COL17A1: variants seen among roughly 807,000 people sequenced by gnomAD.
COL17A1 encodes the protein collagen type XVII alpha 1 chain, also known as collagen alpha-1(XVII) chain.
Under a neutral mutation model 218.4 loss-of-function variants are expected in COL17A1, and 181 were observed. The ratio of observed to expected loss-of-function variants is 0.83; its 90% CI spans 0.73 to 0.94. COL17A1 has a LOEUF of 0.94. Ranked by LOEUF, COL17A1 falls within the 40% of genes least tolerant of loss-of-function variation. The pLI, the probability that COL17A1 is intolerant of heterozygous loss-of-function variation, is 0.00. For missense variants in COL17A1, 1,924 were observed against 1,945.9 expected, an observed-to-expected ratio of 0.99 and a Z score of 0.21; for synonymous variants, 721 against 731.0, an observed-to-expected ratio of 0.99 and a Z score of 0.22.
At position 104,055,074 on chromosome 10, in the gene COL17A1, A is replaced by G; in HGVS notation, c.1718-67T>C. The G allele has an allele frequency of 1.9e-6, 3 of 1,607,574 alleles. No individual in the cohort carries two copies. The South Asian group carries it at 3.3e-5, about 18-fold the overall frequency. ...ACCCAAAGGCCATACTCTGCCTTGT[A>G]TTTTAAAACCATTTGACAAGATGTA... On this transcript the variant is annotated intron_variant, in intron 19 of 55. Coordinates refer to ENST00000648076, the MANE Select transcript of COL17A1 (RefSeq NM_000494.4).
chr10:104,074,241 G>T lies in COL17A1; in HGVS notation c.332-10C>A, dbSNP rs1397198772. Reference sequence around the variant, plus strand: ...TTGCCACTGGAGCTCCCTGGAGAGGGGATGAAACACTTAGAACAAATGGCC... The same window carrying T: ...TTGCCACTGGAGCTCCCTGGAGAGGTGATGAAACACTTAGAACAAATGGCC... On this transcript the variant is annotated splice_polypyrimidine_tract_variant and intron_variant, in intron 5 of 55. Coordinates refer to ENST00000648076, the MANE Select transcript of COL17A1 (RefSeq NM_000494.4). 5.6e-6 allele frequency: 9 copies of T among 1,614,068 alleles called. No individual in the cohort carries two copies. The Admixed American group carries it at 8.3e-5, about 15-fold the overall frequency.
At chr10:104,045,027 G>C (rs1466511623) in intron 33 of COL17A1, among the ~76,000 whole-genome samples, 1 of 152,148 alleles carries the variant, frequency 6.6e-6, no homozygotes, top group Non-Finnish European at 1.5e-5. Flanking sequence ...GCTCATGACA[G>C]AGCACAGCTC....
chr10:104,058,936 A>G (rs1159874851), intron 15 of COL17A1, among the ~76,000 whole-genome samples: 3 of 150,644 alleles, frequency 2.0e-5, no homozygotes, highest in South Asian at 2.1e-4. Flanking sequence ...TCCGTCTCAA[A>G]AAAAAAAAAA....
At chr10:104,056,145 T>G in intron 17 of COL17A1, 142 bp from the exon 18 acceptor site, 1 of 1,030,116 alleles carries the variant, frequency 9.7e-7, no homozygotes, top group East Asian at 2.5e-5. Context: ...AGAGATAATC[T>G]GCCGTGGCCA....
intron 29 of COL17A1, 73 bp downstream of exon 29, chr10:104,049,336 G>T (rs2086444432): frequency 1.4e-6 from 2 of 1,391,496 alleles, no homozygotes; most frequent in Non-Finnish European, 2.0e-6. Context: ...AGCTCTAGAA[G>T]ACGGATCTCT....
intron 46 of COL17A1, 32 bp from the exon 47 acceptor site, chr10:104,037,145 T>A: frequency 4.5e-6 from 7 of 1,563,564 alleles, no homozygotes; most frequent in South Asian, 1.2e-5. Flanking sequence ...GTTACCTGCT[T>A]AGCAGGTACT....
chr10:104,064,641 C>T, intron 9 of COL17A1, 45 bp from the exon 10 acceptor site: 2 of 1,554,994 alleles, frequency 1.3e-6, no homozygotes, highest in Non-Finnish European at 8.8e-7. Flanking sequence ...GACAAATCAA[C>T]ACTCCCTGCT....
At chr10:104,067,339 A>AAAT (rs2086635084) in intron 9 of COL17A1, among the ~76,000 whole-genome samples, 1 of 118,238 alleles carries the variant, frequency 8.5e-6, no homozygotes, top group South Asian at 3.0e-4. Context: ...AGGAATAAAA[A>AAAT]AAAAAAAAAA....
At chr10:104,064,359 T>C (rs539844004) in intron 10 of COL17A1, 79 bp downstream of exon 10, 1 of 1,608,198 alleles carries the variant, frequency 6.2e-7, no homozygotes, top group Admixed American at 1.7e-5. Context: ...ATGGCAAACA[T>C]TCTGAGGGTC....
rs2086801529 is a variant in COL17A1, at chr10:104,085,877, T to G, written c.-166A>C. ...TTAAAGCTGAGTGATCTTTCAAAAATGTTCACTTTTCTTTCTCTCCACCTT... is the reference window on the plus strand; with the variant it reads ...TTAAAGCTGAGTGATCTTTCAAAAAGGTTCACTTTTCTTTCTCTCCACCTT... On this transcript the variant is annotated 5_prime_UTR_variant, in exon 1 of 56. Coordinates refer to ENST00000648076, the MANE Select transcript of COL17A1 (RefSeq NM_000494.4). 1 of 152,594 alleles carries G rather than the reference T, an allele frequency of 6.6e-6. No homozygotes were observed. The highest frequency in any genetic ancestry group is 1.5e-5 in the Non-Finnish European group (1 of 68,024). The allele number at this position is 152,594 out of a possible 1,614,324, so 9.5% of individuals were successfully genotyped here. A position where few individuals can be genotyped will look rare whatever the true frequency, so the allele number is the denominator to read the frequency against.
At chr10:104,079,318 G>A (rs2086741407) in intron 2 of COL17A1, among the ~76,000 whole-genome samples, 1 of 152,200 alleles carries the variant, frequency 6.6e-6, no homozygotes, top group Non-Finnish European at 1.5e-5. Context: ...ACCTATCTGG[G>A]GCTTTTGTTC....
intron 3 of COL17A1, among the ~76,000 whole-genome samples, chr10:104,078,056 C>CGGG (rs886292935): frequency 2.0e-4 from 31 of 152,196 alleles, no homozygotes; most frequent in African/African-American, 6.7e-4. Context: ...TCCCTGGAGG[C>CGGG]GGGGGCAGGG....
chr10:104,070,303 T>C, intron 9 of COL17A1, 123 bp downstream of exon 9: 1 of 1,544,682 alleles, frequency 6.5e-7, no homozygotes, highest in Non-Finnish European at 8.7e-7. Context: ...TGGAATGAGA[T>C]TTGGTGGGCC....
At chr10:104,076,662 G>T (rs1297232531) in intron 4 of COL17A1, among the ~76,000 whole-genome samples, 4 of 152,170 alleles carry the variant, frequency 2.6e-5, no homozygotes, top group East Asian at 1.9e-4. Flanking sequence ...GAAAGGATTT[G>T]GCAGGATTTT....
At position 104,074,158 on chromosome 10, in the gene COL17A1, C is replaced by G. The variant is rs370047936; in HGVS notation, c.379+26G>C. ...TTCCTAGTGCCTCGTTTGACCATTT[C>G]TTTAGAAAATAAGGAGAGGACATAC... On this transcript the variant is annotated intron_variant, in intron 6 of 55. Transcript: ENST00000648076. 46 of 1,614,108 alleles carry G rather than the reference C, an allele frequency of 2.8e-5. No individual in the cohort carries two copies. In the African/African-American group the frequency reaches 5.6e-4, roughly 20 times the overall value.
chr10:104,046,997 A>C (rs547995731), intron 31 of COL17A1, among the ~76,000 whole-genome samples: 4 of 152,262 alleles, frequency 2.6e-5, no homozygotes, highest in Non-Finnish European at 5.9e-5. Context: ...TTCTCAGGCA[A>C]TGGTGCTGAG....
intron 36 of COL17A1, 79 bp downstream of exon 36, chr10:104,042,341 G>A: frequency 6.8e-7 from 1 of 1,466,018 alleles, no homozygotes; most frequent in Non-Finnish European, 9.6e-7. Context: ...ATCTAGAACA[G>A]AGAGGCCCAT....
intron 32 of COL17A1, 83 bp downstream of exon 32, chr10:104,046,664 G>A (rs1168300605): frequency 7.3e-7 from 1 of 1,377,396 alleles, no homozygotes; most frequent in Non-Finnish European, 1.0e-6. Context: ...GGAAACTCTG[G>A]TGACTGCAGG....
chr10:104,041,309 G>C lies in COL17A1; in HGVS notation c.2641C>G (p.Pro881Ala), dbSNP rs373441666. 4.9e-5 allele frequency: 79 copies of C among 1,606,560 alleles called. No homozygotes were observed. Among genetic ancestry groups the C allele is most frequent in the Non-Finnish European group, 6.3e-5 (74 of 1,177,084 alleles). ...SIPGPPGPRG[P>A]PGEGLPGPPG... ...TGGTAAGCTCGGCTCTCACCTGGTG[G>C]GCCTCGGGGTCCTGGTGGGCCTGGA... The change falls in exon 38 of 56, where the codon CCA becomes GCA. Residue 881 changes from proline (P) to alanine (A), a missense_variant. Pro to Ala is a conservative substitution (Grantham distance 27). Coordinates refer to ENST00000648076, the MANE Select transcript of COL17A1 (RefSeq NM_000494.4).
Sources: allele counts gnomAD v4.1 joint callset (sites outside exome capture counted in the v4.1 genomes callset), GRCh38; gene constraint gnomAD v4.1.1; transcripts MANE v1.5; gene names NCBI Gene and HGNC (gene_info 2026-07-23, HGNC 2026-07-21).